The following SMG6 variants were observed in gnomAD, a reference collection of about 807,000 sequenced individuals.
The protein encoded by SMG6 is telomerase-binding protein EST1A.
Under a neutral mutation model 142.2 loss-of-function variants are expected in SMG6, and 66 were observed. That is an observed-to-expected ratio of 0.46 (90% CI 0.38 to 0.57). SMG6 has a LOEUF of 0.57. Ranked by LOEUF, SMG6 falls within the 20% of genes least tolerant of loss-of-function variation. The pLI is 0.00. For synonymous variants in SMG6, 779 were observed against 702.4 expected, an observed-to-expected ratio of 1.11 and a Z score of -1.72; for missense variants, 1,793 against 1,832.0, an observed-to-expected ratio of 0.98 and a Z score of 0.39.
intron 6 of SMG6, 27 bp from the exon 7 acceptor site, chr17:2,283,762 G>A (rs1158102817): frequency 6.3e-7 from 1 of 1,578,582 alleles, no homozygotes; most frequent in Admixed American, 1.7e-5. Context: ...GAGACATTCA[G>A]TCAACCAATT....
intron 12 of SMG6, among the ~76,000 whole-genome samples, chr17:2,178,217 G>A (rs1333351070): frequency 1.7e-4 from 26 of 152,136 alleles, no homozygotes; most frequent in Admixed American, 1.5e-3. Context: ...GCTGGAGATG[G>A]GGAGAATTCT....
chr17:2,153,215 T>C lies in SMG6; in HGVS notation c.3357+19443A>G, dbSNP rs187567402. 2.6e-3 allele frequency among the ~76,000 whole-genome samples: 394 copies of C among 152,280 alleles called. 6 individuals carry two copies. Among genetic ancestry groups the C allele is most frequent in the African/African-American group, 8.7e-3 (363 of 41,548 alleles). ...AGCTATCGTTAGTGTTAGTGTAGTC[T>C]ATGTGTGGCCCAAGACAATTCTTCC... On this transcript the variant is annotated intron_variant, in intron 13 of 18. Transcript: ENST00000263073.
In SMG6 at chr17:2,068,883, T is replaced by G. The variant is rs1275263030; in HGVS notation, c.3730A>C (p.Arg1244=). Residue 1244 remains arginine (R), a synonymous_variant, in exon 16 of 19, where the codon AGA becomes CGA. Transcript: ENST00000263073. The surrounding 1 kb of genome is among the most constrained non-coding windows in gnomAD (Gnocchi z 6.7). ...GTGTCTGGTACGAGGAACAAAGGTC[T>G]GATTTCGAGCTCCATCTGCCTCATC... ...SQMRQMELEI[R]PLFLVPDTNG... The G allele has an allele frequency of 2.5e-6, 4 of 1,614,112 alleles. No individual in the cohort carries two copies. The highest frequency in any genetic ancestry group is 3.4e-6 in the Non-Finnish European group (4 of 1,180,040).
At chr17:2,137,478 G>A (rs1248935899) in intron 13 of SMG6, among the ~76,000 whole-genome samples, 1 of 151,940 alleles carries the variant, frequency 6.6e-6, no homozygotes, top group East Asian at 1.9e-4. Context: ...GACAGTACTC[G>A]CTGCAGATTC....
At chr17:2,222,462 T>C (rs1457354139) in intron 10 of SMG6, among the ~76,000 whole-genome samples, 2 of 145,174 alleles carry the variant, frequency 1.4e-5, no homozygotes, top group South Asian at 2.2e-4. Context: ...GCAGAGAACT[T>C]GCAAGAAGGG....
chr17:2,187,538 C>T, intron 11 of SMG6, among the ~76,000 whole-genome samples: 1 of 152,052 alleles, frequency 6.6e-6, no homozygotes, highest in East Asian at 1.9e-4. Context: ...AAAGGGCCCG[C>T]AACTCTGTAA....
chr17:2,171,520 C>G (rs947375634), intron 13 of SMG6, among the ~76,000 whole-genome samples: 1 of 148,072 alleles, frequency 6.8e-6, no homozygotes, highest in Non-Finnish European at 1.5e-5. Context: ...AACAAATACT[C>G]TTTTATACTA....
chr17:2,296,689 C>T (rs760792234), intron 4 of SMG6, among the ~76,000 whole-genome samples: 2 of 152,136 alleles, frequency 1.3e-5, no homozygotes, highest in African/African-American at 2.4e-5. Context: ...AACTAGTCCC[C>T]GGTGCCAAAA....
At chr17:2,249,345 G>C (rs893069110) in intron 8 of SMG6, among the ~76,000 whole-genome samples, 1 of 152,146 alleles carries the variant, frequency 6.6e-6, no homozygotes, top group African/African-American at 2.4e-5. Context: ...ACCCAGCCTG[G>C]AGTGCAGTGG....
chr17:2,291,069 C>T (rs1222968082), intron 6 of SMG6, among the ~76,000 whole-genome samples: 4 of 152,262 alleles, frequency 2.6e-5, no homozygotes, highest in Admixed American at 6.5e-5. Flanking sequence ...CGGTGGCTCA[C>T]GCCTGTAATC....
chr17:2,161,692 G>T (rs750378090), intron 13 of SMG6, among the ~76,000 whole-genome samples: 1 of 150,206 alleles, frequency 6.7e-6, no homozygotes, highest in East Asian at 1.9e-4. Context: ...ACCACTCAGA[G>T]CACTCTCAAG....
intron 13 of SMG6, among the ~76,000 whole-genome samples, chr17:2,172,062 C>T (rs978603292): frequency 1.5e-4 from 23 of 152,246 alleles, no homozygotes; most frequent in African/African-American, 5.1e-4. Flanking sequence ...TCTCCAACAG[C>T]GCAACAGGGA....
intron 10 of SMG6, among the ~76,000 whole-genome samples, chr17:2,194,969 C>G (rs572269679): frequency 6.6e-6 from 1 of 152,306 alleles, no homozygotes; most frequent in African/African-American, 2.4e-5. Flanking sequence ...CCTCTTGGCT[C>G]TGGGCCAAGT....
intron 12 of SMG6, among the ~76,000 whole-genome samples, chr17:2,183,676 C>T (rs1383728098): frequency 1.3e-5 from 2 of 151,022 alleles, no homozygotes; most frequent in Admixed American, 1.3e-4. Flanking sequence ...TTTTGTTTAA[C>T]CATTTAAAAA....
At chr17:2,196,211 C>G in intron 10 of SMG6, among the ~76,000 whole-genome samples, 1 of 152,150 alleles carries the variant, frequency 6.6e-6, no homozygotes, top group East Asian at 1.9e-4. Context: ...CACCTGAGAT[C>G]AGGAGTTCGA....
chr17:2,127,653 T>C lies in SMG6; in HGVS notation c.3358-41752A>G, dbSNP rs547935283. On this transcript the variant is annotated intron_variant, in intron 13 of 18. Transcript: ENST00000263073. Reference sequence around the variant, plus strand: ...GCTTCCTTTCATTCAACGAATACAATTCTTTTACTCTGCTCTTTTCTAGGT... The same window carrying C: ...GCTTCCTTTCATTCAACGAATACAACTCTTTTACTCTGCTCTTTTCTAGGT... 1.0e-4 allele frequency: 59 copies of C among 569,496 alleles called. 1 individual carries two copies. The highest frequency in any genetic ancestry group is 7.9e-4 in the South Asian group (57 of 72,178). 35.3% of individuals were successfully genotyped at this position (569,496 alleles called of 1,614,324 possible).
chr17:2,282,510 A>G, intron 8 of SMG6, 137 bp downstream of exon 8: 1 of 769,700 alleles, frequency 1.3e-6, no homozygotes, highest in Middle Eastern at 3.9e-4. Flanking sequence ...TGAGAAGGGA[A>G]AAGACCATCA....
At position 2,299,599 on chromosome 17, in the gene SMG6, C is replaced by G. The variant is rs745870879; in HGVS notation, c.1154G>C (p.Gly385Ala). ...CTCCTGCTTCTCAGAGCCTTTGCCC[C>G]CACTGCTCAAGCCTTTGTCAGGCTT... ...RGKPDKGLSS[G>A]GKGSEKQESK... Residue 385 changes from glycine to alanine, a missense_variant, in exon 2 of 19, where the codon GGG becomes GCG. Around this residue, in one of 3 missense-constraint regions of SMG6, gnomAD observed 1,597 missense variants for 1,584.6 expected, o/e 1.01. Coordinates refer to ENST00000263073, the MANE Select transcript of SMG6 (RefSeq NM_017575.5). The surrounding 1 kb of genome is among the most constrained non-coding windows in gnomAD (Gnocchi z 4.3). The G allele has an allele frequency of 6.2e-7, 1 of 1,614,220 alleles. No individual in the cohort carries two copies.
At chr17:2,159,414 C>T (rs746630368) in intron 13 of SMG6, among the ~76,000 whole-genome samples, 1 of 151,930 alleles carries the variant, frequency 6.6e-6, no homozygotes, top group Admixed American at 6.6e-5. Flanking sequence ...TGGGTGACAG[C>T]GAGACTCTGT....
Sources: gnomAD v4.1 joint callset for allele counts (sites outside exome capture counted in the v4.1 genomes callset) on GRCh38, gnomAD v4.1.1 for gene constraint, gnomAD v4.1.1 regional missense constraint, Gnocchi (gnomAD v3.1) non-coding constraint, MANE v1.5 for transcripts, NCBI Gene and HGNC (gene_info 2026-07-23, HGNC 2026-07-21) for gene names.